AHSA1: variants seen among roughly 807,000 people sequenced by gnomAD.
AHSA1 encodes activator of 90 kDa heat shock protein ATPase homolog 1.
Under a neutral mutation model 46.1 loss-of-function variants are expected in AHSA1, and 14 were observed. The ratio of observed to expected loss-of-function variants is 0.30; its 90% CI spans 0.20 to 0.47. The LOEUF is 0.47. Ranked by LOEUF, AHSA1 falls within the 20% of genes least tolerant of loss-of-function variation. The pLI is 0.99. For missense variants in AHSA1, 333 were observed against 415.9 expected, an observed-to-expected ratio of 0.80 and a Z score of 1.73; for synonymous variants, 147 against 145.8, an observed-to-expected ratio of 1.01 and a Z score of -0.06.
chr14:77,467,749 G>A (rs551326095), intron 6 of AHSA1, among the ~76,000 whole-genome samples: 276 of 152,314 alleles, frequency 1.8e-3, no homozygotes, highest in Non-Finnish European at 3.4e-3. Flanking sequence ...TTTGGGACAT[G>A]TTCTCAGAAA....
intron 5 of AHSA1, 76 bp downstream of exon 5, chr14:77,464,762 C>T (rs901825650): frequency 1.5e-6 from 2 of 1,305,512 alleles, no homozygotes; most frequent in East Asian, 2.4e-5. Context: ...CACATATCAG[C>T]TCTCTGTGTC....
Position 77,469,151 on chromosome 14 carries a change from A to G in AHSA1, c.919A>G (p.Ile307Val). The G allele has an allele frequency of 6.2e-7, 1 of 1,614,188 alleles. No homozygotes were observed. Among genetic ancestry groups the G allele is most frequent in the Non-Finnish European group, 8.5e-7 (1 of 1,180,024 alleles). The change falls in exon 9 of 9, where the codon ATC becomes GTC. Residue 307 changes from isoleucine (I) to valine (V), a missense_variant. Physicochemically the swap from Ile to Val is conservative, Grantham distance 29. Coordinates refer to ENST00000216479, the MANE Select transcript of AHSA1 (RefSeq NM_012111.3). ...TGAGCTGTGCATGGAAGGTCGAGGC[A>G]TCCCTGCTCCTGAGGAAGAGCGGAC... ...ETELCMEGRGIPAPEEERTRQ... is the reference protein window; with the variant it reads ...ETELCMEGRGVPAPEEERTRQ...
At chr14:77,468,261 T>C in intron 7 of AHSA1, 77 bp downstream of exon 7, 2 of 1,128,952 alleles carry the variant, frequency 1.8e-6, no homozygotes, top group South Asian at 1.5e-5. Flanking sequence ...CTGAACTCTA[T>C]AGGTAAAATG....
chr14:77,462,711 A>C lies in AHSA1; in HGVS notation c.424A>C (p.Lys142Gln). ...GGCCTTAATGAAGGAAGAAGGGGTG[A>C]AACTTCTAAGAGAAGCAATGGGAAT... is the stretch of plus-strand genomic sequence containing the variant. The part of the protein sequence containing the change: ...LVALMKEEGV[K>Q]LLREAMGIYI... The change falls in exon 4 of 9, where the codon AAA becomes CAA. Residue 142 changes from lysine to glutamine, a missense_variant. Lys to Gln is a moderately conservative substitution (Grantham distance 53, BLOSUM62 1). Transcript: ENST00000216479. 5 of 1,614,210 alleles carry C rather than the reference A, an allele frequency of 3.1e-6. No homozygotes were observed. Among genetic ancestry groups the C allele is most frequent in the Non-Finnish European group, 4.2e-6 (5 of 1,180,022 alleles).
chr14:77,460,653 C>T (rs994172564), intron 2 of AHSA1, among the ~76,000 whole-genome samples: 1 of 151,060 alleles, frequency 6.6e-6, no homozygotes, highest in Admixed American at 6.6e-5. Context: ...GCAACCTCCA[C>T]TTCCCGGGTT....
intron 8 of AHSA1, 30 bp from the exon 9 acceptor site, chr14:77,469,047 T>G (rs374531376): frequency 1.2e-6 from 2 of 1,609,752 alleles, no homozygotes; most frequent in Non-Finnish European, 1.7e-6. Context: ...AACCTAGATA[T>G]GAAACCTCCG....
In AHSA1 at chr14:77,465,559, A is replaced by T; in HGVS notation, c.582A>T (p.Lys194Asn). 4.3e-6 allele frequency: 7 copies of T among 1,613,972 alleles called. No homozygotes were observed. The highest frequency in any genetic ancestry group is 5.9e-6 in the Non-Finnish European group (7 of 1,179,846). ...EERKAKPAPS[K>N]TQARPVGVKI... ...CACAGGCTAAGCCTGCTCCTTCAAA[A>T]ACCCAGGCCAGACCTGTTGGAGTCA... The change falls in exon 6 of 9, where the codon AAA (lysine) becomes AAT (asparagine). Residue 194 changes from lysine to asparagine, a missense_variant. Transcript: ENST00000216479.
rs940888783 is a variant in AHSA1, at chr14:77,458,329, G to T, written c.80+60G>T. On this transcript the variant is annotated intron_variant, in intron 1 of 8. Transcript: ENST00000216479. Reference sequence around the variant, plus strand: ...CCTGCGGCCGGGCCAGGGTTTCAGGGTTCCTAGAACCTCGGCCCGGACAGA... The same window carrying T: ...CCTGCGGCCGGGCCAGGGTTTCAGGTTTCCTAGAACCTCGGCCCGGACAGA... The T allele has an allele frequency of 2.6e-6, 4 of 1,518,344 alleles. No individual in the cohort carries two copies. In the East Asian group the frequency reaches 1.0e-4, roughly 39 times the overall value. 94.1% of individuals were successfully genotyped at this position (1,518,344 alleles called of 1,614,324 possible). A position where few individuals can be genotyped will look rare whatever the true frequency, so the allele number is the denominator to read the frequency against.
intron 4 of AHSA1, among the ~76,000 whole-genome samples, chr14:77,463,527 G>A (rs116966099): frequency 3.9e-4 from 59 of 149,578 alleles, no homozygotes; most frequent in Non-Finnish European, 6.7e-4. Context: ...TAAAGGTTGC[G>A]GTGAGCCAAG....
intron 1 of AHSA1, among the ~76,000 whole-genome samples, chr14:77,458,640 AAGGCC>A (rs1194874859): frequency 1.3e-5 from 2 of 152,220 alleles, no homozygotes; most frequent in Non-Finnish European, 2.9e-5. Flanking sequence ...TGAAAGGCCT[AAGGCC>A]AGGGGTCTGT....
intron 8 of AHSA1, chr14:77,468,731 T>TAC (rs2079059615): frequency 2.6e-5 from 13 of 495,236 alleles, no homozygotes; most frequent in African/African-American, 1.2e-4. Context: ...CTTTTTTTTT[T>TAC]TTTTTTTTTT....
At chr14:77,468,039 T>G in intron 6 of AHSA1, 44 bp from the exon 7 acceptor site, 1 of 1,345,026 alleles carries the variant, frequency 7.4e-7, no homozygotes, top group Non-Finnish European at 1.0e-6. Context: ...GAAAGCCATG[T>G]ATCTTCTGCC....
intron 1 of AHSA1, 151 bp from the exon 2 acceptor site, chr14:77,459,464 TG>T: frequency 1.5e-6 from 1 of 688,854 alleles, no homozygotes; most frequent in Admixed American, 2.8e-5. Flanking sequence ...TAAAAAAGAA[TG>T]ACATGTTTGT....
chr14:77,469,327 T>C lies in AHSA1; in HGVS notation c.*78T>C. The C allele has an allele frequency of 6.5e-7, 1 of 1,540,008 alleles. No homozygotes were observed. Among genetic ancestry groups the C allele is most frequent in the Non-Finnish European group, 8.8e-7 (1 of 1,137,350 alleles). ...TGACTGGGGCTTGCGACTCACAGGA[T>C]TGCATCGTCCCAGCTGCTAACTTGG... is the stretch of plus-strand genomic sequence containing the variant. On this transcript the variant is annotated 3_prime_UTR_variant, in exon 9 of 9. Coordinates refer to ENST00000216479, the MANE Select transcript of AHSA1 (RefSeq NM_012111.3).
At chr14:77,464,888 T>C (rs7142380) in intron 5 of AHSA1, among the ~76,000 whole-genome samples, 65,628 of 152,146 alleles carry the variant, frequency 0.43, 16,748 homozygotes, top group East Asian at 0.92. Flanking sequence ...ATCGCAGACC[T>C]TTAGAGCAAG....
At chr14:77,465,496 T>C (rs368931244) in intron 5 of AHSA1, 43 bp from the exon 6 acceptor site, 3 of 1,599,632 alleles carry the variant, frequency 1.9e-6, no homozygotes, top group Non-Finnish European at 2.6e-6. Context: ...ATTGAGGTTG[T>C]ATCATTACTC....
At position 77,468,051 on chromosome 14, in the gene AHSA1, C is replaced by CTTTT. The variant is rs34989956; in HGVS notation, c.691-12_691-9dup. On this transcript the variant is annotated intron_variant, in intron 6 of 8. Transcript: ENST00000216479. ...ACTGAAAGCCATGTATCTTCTGCCT[C>CTTTT]TTTTTTTTTTTTTTTTTTTTTTTCC... 1.3e-3 allele frequency: 866 copies of CTTTT among 683,978 alleles called. 1 individual carries two copies. The highest frequency in any genetic ancestry group is 4.8e-3 in the South Asian group (210 of 43,328). 42.4% of individuals were successfully genotyped at this position (683,978 alleles called of 1,614,324 possible).
intron 4 of AHSA1, among the ~76,000 whole-genome samples, chr14:77,463,255 C>T (rs1321889440): frequency 6.6e-6 from 1 of 151,922 alleles, no homozygotes; most frequent in Non-Finnish European, 1.5e-5. Flanking sequence ...GCACTCCAGC[C>T]TGGATGACCA....
Position 77,465,681 on chromosome 14 carries a change from G to T in AHSA1, c.690+14G>T. 1 of 1,612,586 alleles carries T rather than the reference G, an allele frequency of 6.2e-7. No individual in the cohort carries two copies. Among genetic ancestry groups the T allele is most frequent in the Non-Finnish European group, 8.5e-7 (1 of 1,178,850 alleles). Reference sequence around the variant, plus strand: ...ACCACCCAAGAGGTAAGTAAGTCTTGTCCTTCAGGCCTCATGCCATCTGCC... The same window carrying T: ...ACCACCCAAGAGGTAAGTAAGTCTTTTCCTTCAGGCCTCATGCCATCTGCC... On this transcript the variant is annotated intron_variant, in intron 6 of 8. Transcript: ENST00000216479.
Sources: gnomAD v4.1 joint callset for allele counts (sites outside exome capture counted in the v4.1 genomes callset) on GRCh38, gnomAD v4.1.1 for gene constraint, MANE v1.5 for transcripts, NCBI Gene and HGNC (gene_info 2026-07-23, HGNC 2026-07-21) for gene names.